The following CEP170 variants were observed in gnomAD, a reference collection of about 807,000 sequenced individuals.
The protein encoded by CEP170 is centrosomal protein 170, also known as centrosomal protein of 170 kDa.
A neutral mutation model predicts 151.9 loss-of-function variants in CEP170; 21 were observed. The observed-to-expected ratio is 0.14, with a 90% CI of 0.10 to 0.20. CEP170 has a LOEUF of 0.20. Among genes scored for constraint, CEP170 ranks in the 10% least tolerant of loss-of-function variants. The pLI is 1.00. For synonymous variants in CEP170, 356 were observed against 648.8 expected (o/e 0.55, Z 6.86); for missense variants, 964 against 1,892.9 (o/e 0.51, Z 9.11).
chr1:243,204,849 A>G (rs890112548), intron 4 of CEP170, among the ~76,000 whole-genome samples: 2 of 152,234 alleles, frequency 1.3e-5, no homozygotes, highest in African/African-American at 4.8e-5. Flanking sequence ...AACATGCCCC[A>G]AATCAACTTC....
At position 243,172,738 on chromosome 1, in the gene CEP170, C is replaced by T; in HGVS notation, c.1675G>A (p.Glu559Lys). Reference sequence around the variant, plus strand: ...CCAGATGTAGTCAGTGGTTTTCTTTCTTCCATTACTGCTGCAGCAGAACTG... The same window carrying T: ...CCAGATGTAGTCAGTGGTTTTCTTTTTTCCATTACTGCTGCAGCAGAACTG... ...ALSSAAAVME[E>K]RKPLTTSGFH... Residue 559 changes from glutamate to lysine, a missense_variant, in exon 11 of 20, where the codon GAA becomes AAA. Transcript: ENST00000366542. 6.3e-7 allele frequency: 1 copy of T among 1,583,990 alleles called. No homozygotes were observed. Among genetic ancestry groups the T allele is most frequent in the Non-Finnish European group, 8.6e-7 (1 of 1,164,214 alleles).
rs190469777 is a variant in CEP170 at position 243,186,050 on chromosome 1, C to A, written c.1295G>T (p.Gly432Val). Reference sequence around the variant, plus strand: ...TTTCCCATGTGGAACACCATGCCCCCCTCTGTGATGCGCAGAGCTAGTCTG... The same window carrying A: ...TTTCCCATGTGGAACACCATGCCCCACTCTGTGATGCGCAGAGCTAGTCTG... ...QAVTSSAHHR[G>V]GHGVPHGKLL... is the part of the protein sequence containing the mutation. Residue 432 changes from glycine to valine, a missense_variant, in exon 10 of 20, where the codon GGG (glycine) becomes GTG (valine). Coordinates refer to ENST00000366542, the MANE Select transcript of CEP170 (RefSeq NM_014812.3). 37 of 1,613,628 alleles carry A rather than the reference C, an allele frequency of 2.3e-5. No homozygotes were observed. Among genetic ancestry groups the A allele is most frequent in the Middle Eastern group, 1.6e-4 (1 of 6,078 alleles).
intron 4 of CEP170, among the ~76,000 whole-genome samples, chr1:243,209,907 A>C (rs533195054): frequency 1.8e-3 from 279 of 152,106 alleles, no homozygotes; most frequent in African/African-American, 6.7e-3. Context: ...GTTAGCCAGG[A>C]TGGTCTCAAT....
At chr1:243,248,254 C>T (rs1325728579) in intron 1 of CEP170, among the ~76,000 whole-genome samples, 2 of 152,200 alleles carry the variant, frequency 1.3e-5, no homozygotes, top group African/African-American at 2.4e-5. Flanking sequence ...GGACTGATCA[C>T]TCCTTATCTC....
At chr1:243,236,627 G>C (rs1174415176) in intron 1 of CEP170, among the ~76,000 whole-genome samples, 1 of 152,084 alleles carries the variant, frequency 6.6e-6, no homozygotes, top group Non-Finnish European at 1.5e-5. Context: ...AGTAAACTGG[G>C]GTATAGCATG....
At chr1:243,236,374 C>G (rs528691526) in intron 1 of CEP170, among the ~76,000 whole-genome samples, 1 of 152,106 alleles carries the variant, frequency 6.6e-6, no homozygotes, top group Non-Finnish European at 1.5e-5. Flanking sequence ...TGATGATATG[C>G]AATATATTTT....
At chr1:243,141,959 G>A (rs1356481846) in intron 15 of CEP170, among the ~76,000 whole-genome samples, 1 of 152,100 alleles carries the variant, frequency 6.6e-6, no homozygotes, top group African/African-American at 2.4e-5. Context: ...TTTAATTGGA[G>A]CATTTTCATA....
chr1:243,133,955 T>C (rs1240302075), intron 17 of CEP170, among the ~76,000 whole-genome samples: 1 of 152,214 alleles, frequency 6.6e-6, no homozygotes, highest in Non-Finnish European at 1.5e-5. Flanking sequence ...CTAAAATCAA[T>C]TATAAGCCTT....
At chr1:243,211,761 A>C (rs1030831082) in intron 4 of CEP170, 125 bp downstream of exon 4, 8 of 1,083,530 alleles carry the variant, frequency 7.4e-6, no homozygotes, top group Non-Finnish European at 1.1e-5. Flanking sequence ...TAGTATAGGA[A>C]TGCACCCAAT....
intron 4 of CEP170, among the ~76,000 whole-genome samples, chr1:243,203,840 G>A (rs543199312): frequency 6.6e-6 from 1 of 151,980 alleles, no homozygotes; most frequent in African/African-American, 2.4e-5. Context: ...CAGAGAATTA[G>A]TAAGGTAGGT....
In CEP170 at chr1:243,203,132, C is replaced by T. The variant is rs1442435338; in HGVS notation, c.275-2297G>A. Reference sequence around the variant, plus strand: ...CTGGTGTAACTGTGAGATCTGGAGACTGCTCTAGCCCCAGCTTTTCCCTCC... The same window carrying T: ...CTGGTGTAACTGTGAGATCTGGAGATTGCTCTAGCCCCAGCTTTTCCCTCC... On this transcript the variant is annotated intron_variant, in intron 4 of 19. Transcript: ENST00000366542. 3.3e-5 allele frequency among the ~76,000 whole-genome samples: 5 copies of T among 152,286 alleles called. No individual in the cohort carries two copies. In the East Asian group the frequency reaches 9.6e-4, roughly 29 times the overall value.
At chr1:243,135,071 A>G (rs374895650) in intron 17 of CEP170, among the ~76,000 whole-genome samples, 1 of 152,228 alleles carries the variant, frequency 6.6e-6, no homozygotes. Flanking sequence ...CTAAAAAGCT[A>G]CACATTTTAA....
chr1:243,242,158 C>T (rs138475331), intron 1 of CEP170, among the ~76,000 whole-genome samples: 88 of 152,174 alleles, frequency 5.8e-4, no homozygotes, highest in African/African-American at 2.1e-3. Flanking sequence ...GGGCAGAGGA[C>T]GTTAATTTGG....
In CEP170 at chr1:243,156,332, C is replaced by T. The variant is rs760781686; in HGVS notation, c.3800G>A (p.Arg1267His). ...LRTSPALKTT[R>H]LQSAGSAMPT... ...CATTGCTGATCCAGCGCTCTGCAAG[C>T]GAGTGGTTTTCAGGGCTGGAGAAGT... Residue 1267 changes from arginine (R) to histidine (H), a missense_variant, in exon 14 of 20, where the codon CGC becomes CAC. Physicochemically the swap from Arg to His is conservative, Grantham distance 29. Transcript: ENST00000366542. The T allele has an allele frequency of 1.0e-5, 16 of 1,586,588 alleles. No homozygotes were observed. Among genetic ancestry groups the T allele is most frequent in the South Asian group, 5.7e-5 (5 of 87,084 alleles).
At chr1:243,144,852 C>A (rs1295931251) in intron 14 of CEP170, among the ~76,000 whole-genome samples, 1 of 152,098 alleles carries the variant, frequency 6.6e-6, no homozygotes, top group Admixed American at 6.5e-5. Flanking sequence ...AGGAACAAAA[C>A]AGAAGGGTTC....
chr1:243,227,266 CA>C (rs34323706), intron 1 of CEP170, among the ~76,000 whole-genome samples: 77 of 146,400 alleles, frequency 5.3e-4, no homozygotes, highest in Admixed American at 8.2e-4. Context: ...TATCATTGGT[CA>C]AAAAAAAAAA....
rs1362963818 is a variant in CEP170, at chr1:243,126,312, A to G, written c.*137T>C. ...ATACTACATTATACGTCAAAAATAA[A>G]TAAATAAAATTAAGAAGACAGGGAT... is the stretch of plus-strand genomic sequence containing the variant. On this transcript the variant is annotated 3_prime_UTR_variant, in exon 20 of 20. Transcript: ENST00000366542. 5.6e-6 allele frequency: 5 copies of G among 898,388 alleles called. No homozygotes were observed. Among genetic ancestry groups the G allele is most frequent in the Non-Finnish European group, 8.8e-6 (5 of 570,568 alleles). The allele number at this position is 898,388 out of a possible 1,614,324, so 55.7% of individuals were successfully genotyped here. A position where few individuals can be genotyped will look rare whatever the true frequency, so the allele number is the denominator to read the frequency against.
intron 17 of CEP170, among the ~76,000 whole-genome samples, chr1:243,133,344 T>C (rs2054638448): frequency 6.6e-6 from 1 of 152,264 alleles, no homozygotes; most frequent in South Asian, 2.1e-4. Context: ...TCAAAAATCA[T>C]TCAATGAATG....
Position 243,165,390 on chromosome 1 carries a change from T to C in CEP170, c.2570A>G (p.Asn857Ser), listed in dbSNP as rs1326261695. The change falls in exon 13 of 20, where the codon AAT becomes AGT. Residue 857 changes from asparagine to serine, a missense_variant. Coordinates refer to ENST00000366542, the MANE Select transcript of CEP170 (RefSeq NM_014812.3). Reference sequence around the variant, plus strand: ...AGAAGGAGTAGAGGAAGTCTGTTTATTTATATGGGGAATAAGTTCTATGGG... The same window carrying C: ...AGAAGGAGTAGAGGAAGTCTGTTTACTTATATGGGGAATAAGTTCTATGGG... ...NIPIELIPHI[N>S]KQTSSTPSSL... is the part of the protein sequence containing the mutation. The C allele has an allele frequency of 4.5e-6, 7 of 1,553,576 alleles. No individual in the cohort carries two copies. The highest frequency in any genetic ancestry group is 6.2e-6 in the Non-Finnish European group (7 of 1,138,130).
Sources: allele counts gnomAD v4.1 joint callset (sites outside exome capture counted in the v4.1 genomes callset), GRCh38; gene constraint gnomAD v4.1.1; transcripts MANE v1.5; gene names NCBI Gene and HGNC (gene_info 2026-07-23, HGNC 2026-07-21).